The following HMMR variants were observed in gnomAD, a reference collection of about 807,000 sequenced individuals.
The protein encoded by HMMR is hyaluronan mediated motility receptor, also known as intracellular hyaluronic acid-binding protein.
In HMMR, 108 loss-of-function variants were observed where a neutral mutation model predicts 101.0. That is an observed-to-expected ratio of 1.07 (90% CI 0.92 to 1.25). The LOEUF is 1.25. Among genes scored for constraint, HMMR ranks in the 50% most tolerant of loss-of-function variants. The probability of loss-of-function intolerance (pLI) is 0.00; values close to 1 mark genes in which losing one functional copy is unlikely to be tolerated. For missense variants in HMMR, 813 were observed against 788.7 expected (o/e 1.03, Z -0.37); for synonymous variants, 296 against 276.4 (o/e 1.07, Z -0.70).
Position 163,473,367 on chromosome 5 carries a change from G to A in HMMR, c.726-12G>A. 6.3e-7 allele frequency: 1 copy of A among 1,599,882 alleles called. No individual in the cohort carries two copies. Among genetic ancestry groups the A allele is most frequent in the South Asian group, 1.1e-5 (1 of 89,520 alleles). On this transcript the variant is annotated splice_polypyrimidine_tract_variant and intron_variant, in intron 8 of 17. Coordinates refer to ENST00000393915, the MANE Select transcript of HMMR (RefSeq NM_001142556.2). The stretch of plus-strand genomic sequence containing the variant: ...ATAGATGTGCTTTTTAAGATAATTT[G>A]TTTTAATGCAGTTGTGCTTCAGATC...
At chr5:163,475,056 A>G (rs1196696171) in intron 10 of HMMR, among the ~76,000 whole-genome samples, 2 of 152,238 alleles carry the variant, frequency 1.3e-5, no homozygotes, top group African/African-American at 4.8e-5. Context: ...GTAATGTTAG[A>G]ATTATTTCAC....
rs1452541799 is a variant in HMMR, at chr5:163,463,860, T to A, written c.51T>A (p.Cys17Ter). The part of the protein sequence containing the change: ...PLKRFNDPSG[C>*]APSPGAYDVK... ...AATGTTTTCTATTTCCTCTAGGTTG[T>A]GCACCATCTCCAGGTGCTTATGATG... The change falls in exon 2 of 18, where the codon TGT becomes TGA. Residue 17 changes from cysteine to a stop codon, truncating the protein, a stop_gained. Coordinates refer to ENST00000393915, the MANE Select transcript of HMMR (RefSeq NM_001142556.2). LOFTEE classifies it high-confidence loss of function. The A allele has an allele frequency of 7.2e-7, 1 of 1,398,080 alleles. No individual in the cohort carries two copies. Among genetic ancestry groups the A allele is most frequent in the Non-Finnish European group, 9.6e-7 (1 of 1,043,182 alleles). 86.6% of individuals were successfully genotyped at this position (1,398,080 alleles called of 1,614,324 possible).
In HMMR at chr5:163,464,657, T is replaced by G. The variant is rs1758643263; in HGVS notation, c.146-66T>G. 2.7e-6 allele frequency: 3 copies of G among 1,096,590 alleles called. No individual in the cohort carries two copies. In the Admixed American group the frequency reaches 6.7e-5, roughly 25 times the overall value. The allele number at this position is 1,096,590 out of a possible 1,614,324, so 67.9% of individuals were successfully genotyped here. On this transcript the variant is annotated intron_variant, in intron 2 of 17. Transcript: ENST00000393915. ...GAGAAAGACAAAAAAATTTGGAAAT[T>G]GTGTTTTGTGTGTAGTTAAAACACA...
chr5:163,479,713 G>A (rs575908663), intron 12 of HMMR, among the ~76,000 whole-genome samples: 1 of 152,102 alleles, frequency 6.6e-6, no homozygotes, highest in East Asian at 1.9e-4. Flanking sequence ...ATACTTCTCT[G>A]ACCCTAACTT....
chr5:163,469,668 G>T lies in HMMR; in HGVS notation c.301G>T (p.Ala101Ser), dbSNP rs756907180. ...TCGTGTTCTTCTACAGGAACGTGGTGCCCAGGACAGGCGGATCCAGGATCT... is the reference window on the plus strand; with the variant it reads ...TCGTGTTCTTCTACAGGAACGTGGTTCCCAGGACAGGCGGATCCAGGATCT... The part of the protein sequence containing the change: ...EIRVLLQERG[A>S]QDRRIQDLET... Residue 101 changes from alanine (A) to serine (S), a missense_variant, in exon 5 of 18, where the codon GCC becomes TCC. Ala to Ser is a moderately conservative substitution (Grantham distance 99). Coordinates refer to ENST00000393915, the MANE Select transcript of HMMR (RefSeq NM_001142556.2). 6.2e-7 allele frequency: 1 copy of T among 1,613,830 alleles called. No homozygotes were observed.
At chr5:163,475,221 A>G (rs1759029451) in intron 10 of HMMR, among the ~76,000 whole-genome samples, 1 of 152,044 alleles carries the variant, frequency 6.6e-6, no homozygotes, top group Admixed American at 6.5e-5. Context: ...TTTTAGATTA[A>G]GAAGTTTCTG....
At chr5:163,462,176 T>A (rs1364729870) in intron 1 of HMMR, among the ~76,000 whole-genome samples, 1 of 152,018 alleles carries the variant, frequency 6.6e-6, no homozygotes, top group Non-Finnish European at 1.5e-5. Context: ...GCTTTAAGGT[T>A]TTTTTGGTTT....
intron 16 of HMMR, among the ~76,000 whole-genome samples, chr5:163,488,197 G>A (rs4868812): frequency 0.23 from 35,396 of 151,992 alleles, 5,535 homozygotes; most frequent in East Asian, 0.69. Flanking sequence ...TTTTAGATGT[G>A]GGGGTACATA....
intron 1 of HMMR, among the ~76,000 whole-genome samples, chr5:163,463,375 C>G (rs762254089): frequency 2.0e-4 from 31 of 152,264 alleles, no homozygotes; most frequent in Middle Eastern, 6.8e-3. Context: ...GTTTGAATTG[C>G]AGTTGACATC....
At chr5:163,475,729 T>A in intron 11 of HMMR, 57 bp downstream of exon 11, 2 of 824,114 alleles carry the variant, frequency 2.4e-6, no homozygotes, top group South Asian at 4.2e-5. Context: ...TTATTTTGAG[T>A]ACTTTTTTTA....
chr5:163,475,896 T>G (rs950199421), intron 11 of HMMR, among the ~76,000 whole-genome samples: 1 of 152,192 alleles, frequency 6.6e-6, no homozygotes, highest in Non-Finnish European at 1.5e-5. Flanking sequence ...AAGTTAAAAG[T>G]TAAAGGTTTT....
intron 1 of HMMR, among the ~76,000 whole-genome samples, chr5:163,463,570 T>G (rs1260021592): frequency 6.6e-6 from 1 of 152,228 alleles, no homozygotes; most frequent in Non-Finnish European, 1.5e-5. Context: ...TATTCAATCC[T>G]TAGTAAGAAA....
intron 15 of HMMR, 121 bp from the exon 16 acceptor site, chr5:163,483,948 A>G (rs1390920941): frequency 3.5e-6 from 2 of 571,172 alleles, no homozygotes; most frequent in Non-Finnish European, 6.2e-6. Context: ...AGCCCTGAGA[A>G]TATGTGAACA....
chr5:163,483,585 AT>A, intron 15 of HMMR, among the ~76,000 whole-genome samples: 1 of 152,140 alleles, frequency 6.6e-6, no homozygotes, highest in East Asian at 1.9e-4. Context: ...AATTGACATA[AT>A]TTTTTCAATG....
chr5:163,474,570 A>T (rs561326728), intron 10 of HMMR: 1 of 456,398 alleles, frequency 2.2e-6, no homozygotes, highest in East Asian at 6.9e-5. Context: ...TTTATAGAAC[A>T]TTTTACATAT....
At position 163,471,213 on chromosome 5, in the gene HMMR, T is replaced by A; in HGVS notation, c.491T>A (p.Leu164Ter). 6.2e-7 allele frequency: 1 copy of A among 1,609,946 alleles called. No homozygotes were observed. The highest frequency in any genetic ancestry group is 2.2e-5 in the East Asian group (1 of 44,848). The change falls in exon 6 of 18, where the codon TTG (leucine) becomes TAG (stop). Residue 164 changes from leucine to a stop codon, truncating the protein, a stop_gained. Coordinates refer to ENST00000393915, the MANE Select transcript of HMMR (RefSeq NM_001142556.2). LOFTEE classifies it high-confidence loss of function. ...KFSENGNQKN[L>*]RILSLELMKL... is the part of the protein sequence containing the mutation. ...TCTGAAAATGGTAACCAGAAGAATT[T>A]GAGAATTCTAAGCTTGGAGTTGATG...
In HMMR at chr5:163,471,434, A is replaced by G. The variant is rs781700042; in HGVS notation, c.621A>G (p.Gln207=). 3.1e-6 allele frequency: 5 copies of G among 1,613,688 alleles called. No individual in the cohort carries two copies. The highest frequency in any genetic ancestry group is 2.2e-5 in the South Asian group (2 of 91,050). The change falls in exon 7 of 18, where the codon CAA becomes CAG. Residue 207 remains glutamine, a synonymous_variant. Coordinates refer to ENST00000393915, the MANE Select transcript of HMMR (RefSeq NM_001142556.2). ...CCCAAAGGAGTCTCGAAGAGTCTCA[A>G]GGGAAAATAGCCCAACTGGAGGGAA... ...QVTQRSLEES[Q]GKIAQLEGKL... is the part of the protein sequence containing the mutation.
chr5:163,472,463 TAGG>T (rs1044244830), intron 7 of HMMR, among the ~76,000 whole-genome samples: 2 of 152,194 alleles, frequency 1.3e-5, no homozygotes, highest in Admixed American at 6.5e-5. Context: ...GAGAAATTTC[TAGG>T]AGTAGAATTC....
intron 10 of HMMR, among the ~76,000 whole-genome samples, chr5:163,474,878 T>C (rs1759017919): frequency 1.3e-5 from 2 of 151,996 alleles, no homozygotes; most frequent in South Asian, 4.1e-4. Flanking sequence ...CTGGAAAGAT[T>C]TCAGCAACAG....
Sources: allele counts gnomAD v4.1 joint callset (sites outside exome capture counted in the v4.1 genomes callset), GRCh38; gene constraint gnomAD v4.1.1; transcripts MANE v1.5; gene names NCBI Gene and HGNC (gene_info 2026-07-23, HGNC 2026-07-21).